Variants in GALR1 observed in about 807,000 individuals in gnomAD.
The protein encoded by GALR1 is galanin receptor 1, also known as galanin receptor type 1.
In GALR1, 11 loss-of-function variants were observed where a neutral mutation model predicts 17.9. The observed-to-expected ratio is 0.62, with a 90% CI of 0.39 to 1.02. The LOEUF (loss-of-function observed/expected upper bound fraction) is 1.02. Ranked by LOEUF, GALR1 falls within the 50% of genes least tolerant of loss-of-function variation. The pLI is 0.01. For synonymous variants in GALR1, 206 were observed against 205.7 expected (o/e 1.00, Z -0.01); for missense variants, 441 against 456.9 (o/e 0.97, Z 0.32).
At chr18:77,262,361 G>T (rs548529853) in intron 2 of GALR1, among the ~76,000 whole-genome samples, 1 of 152,232 alleles carries the variant, frequency 6.6e-6, no homozygotes, top group African/African-American at 2.4e-5. Flanking sequence ...ATCGTTTCCC[G>T]AGTTTGACAG....
intron 2 of GALR1, among the ~76,000 whole-genome samples, chr18:77,261,154 AT>A (rs948666929): frequency 2.0e-5 from 3 of 152,180 alleles, no homozygotes; most frequent in African/African-American, 7.2e-5. Context: ...AGAGACTAAT[AT>A]TTTTTCAGAT....
chr18:77,258,602 C>CATGGTGGTCATGGTGGTGGTGGTG (rs1912658448), intron 2 of GALR1, among the ~76,000 whole-genome samples: 1 of 20,714 alleles, frequency 4.8e-5, no homozygotes, highest in Non-Finnish European at 1.2e-4. Context: ...TGGTGGTGGT[C>CATGGTGGTCATGGTGGTGGTGGTG]ATGGTGGTGA....
chr18:77,258,833 ATGGTGG>A (rs1568141527), intron 2 of GALR1, among the ~76,000 whole-genome samples: 13 of 81,870 alleles, frequency 1.6e-4, no homozygotes, highest in East Asian at 8.8e-4. Flanking sequence ...GGTGCTGGTG[ATGGTGG>A]TGATGGTGGT....
chr18:77,272,751 T>C lies in GALR1; in HGVS notation c.*3849T>C, dbSNP rs1913087835. ...CTTGTTTAATTATTGACTTACTTAT[T>C]TTAAAAGCTGTATGTAGTAAGAACA... On this transcript the variant is annotated 3_prime_UTR_variant, in exon 3 of 3. Transcript: ENST00000299727. 6.6e-6 allele frequency: 1 copy of C among 152,274 alleles called. No homozygotes were observed. 9.4% of individuals were successfully genotyped at this position (152,274 alleles called of 1,614,324 possible). A position where few individuals can be genotyped will look rare whatever the true frequency, so the allele number is the denominator to read the frequency against.
intron 1 of GALR1, among the ~76,000 whole-genome samples, chr18:77,252,965 CCACCATCACCACCATCACCACCAT>C (rs1568139188): frequency 9.1e-4 from 45 of 49,600 alleles, no homozygotes; most frequent in Non-Finnish European, 1.3e-3. Context: ...ACCATCACCA[CCACCATCACCACCATCACCACCAT>C]CACCACCACC....
intron 2 of GALR1, among the ~76,000 whole-genome samples, chr18:77,260,874 T>C (rs1302107784): frequency 6.6e-6 from 1 of 152,202 alleles, no homozygotes; most frequent in Admixed American, 6.5e-5. Flanking sequence ...TGGAGAAAAT[T>C]GGATTAAAGG....
Position 77,250,729 on chromosome 18 carries a change from A to AGCAAGCCGG in GALR1, c.190_198dup (p.Gly64_Pro66dup), listed in dbSNP as rs1912385327. 1 of 1,613,692 alleles carries AGCAAGCCGG rather than the reference A, an allele frequency of 6.2e-7. No individual in the cohort carries two copies. Among genetic ancestry groups the AGCAAGCCGG allele is most frequent in the African/African-American group, 1.3e-5 (1 of 74,938 alleles). On this transcript the variant is annotated inframe_insertion, in exon 1 of 3. Coordinates refer to ENST00000299727, the MANE Select transcript of GALR1 (RefSeq NM_001480.4). ...CCTAGTGATCACCGTGCTGGCGCGC[A>AGCAAGCCGG]GCAAGCCGGGCAAGCCGCGGAGCAC...
rs1913087132 is a variant in GALR1 at position 77,272,711 on chromosome 18, A to G, written c.*3809A>G. 1 of 152,216 alleles carries G rather than the reference A, an allele frequency of 6.6e-6. No homozygotes were observed. The highest frequency in any genetic ancestry group is 1.5e-5 in the Non-Finnish European group (1 of 68,034). The allele number at this position is 152,216 out of a possible 1,614,324, so 9.4% of individuals were successfully genotyped here. A position where few individuals can be genotyped will look rare whatever the true frequency, so the allele number is the denominator to read the frequency against. ...ATGTTGCATGTAAGGCTATTTCTCA[A>G]GTAGATGTTAATGACTTGTTTAATT... is the stretch of plus-strand genomic sequence containing the variant. On this transcript the variant is annotated 3_prime_UTR_variant, in exon 3 of 3. Transcript: ENST00000299727.
chr18:77,268,793 A>C lies in GALR1; in HGVS notation c.941A>C (p.Tyr314Ser). The C allele has an allele frequency of 6.2e-7, 1 of 1,614,026 alleles. No individual in the cohort carries two copies. Among genetic ancestry groups the C allele is most frequent in the South Asian group, 1.1e-5 (1 of 91,088 alleles). The change falls in exon 3 of 3, where the codon TAT becomes TCT. Residue 314 changes from tyrosine to serine, a missense_variant. Coordinates refer to ENST00000299727, the MANE Select transcript of GALR1 (RefSeq NM_001480.4). ...CTCTCTGAAAATTTCAGGAAGGCCT[A>C]TAAACAAGTGTTCAAGTGTCACATT... ...AFLSENFRKA[Y>S]KQVFKCHIRK... is the part of the protein sequence containing the mutation.
At chr18:77,252,971 T>TCACCACCATCACCACCACCACCACCAC (rs1912492295) in intron 1 of GALR1, among the ~76,000 whole-genome samples, 1 of 23,190 alleles carries the variant, frequency 4.3e-5, no homozygotes, top group Non-Finnish European at 8.8e-5. Flanking sequence ...ACCACCACCA[T>TCACCACCATCACCACCACCACCACCAC]CACCACCATC....
intron 2 of GALR1, among the ~76,000 whole-genome samples, chr18:77,263,302 G>A (rs1046664804): frequency 6.6e-6 from 1 of 152,192 alleles, no homozygotes; most frequent in Non-Finnish European, 1.5e-5. Context: ...TTATCTGCTT[G>A]CTTTGTGTGT....
intron 1 of GALR1, among the ~76,000 whole-genome samples, chr18:77,255,602 T>C (rs1288278238): frequency 1.3e-5 from 2 of 152,196 alleles, no homozygotes; most frequent in Admixed American, 1.3e-4. Context: ...AAAGAATATT[T>C]TGGCACAAAC....
At chr18:77,256,076 C>A in intron 1 of GALR1, 82 bp from the exon 2 acceptor site, 1 of 738,626 alleles carries the variant, frequency 1.4e-6, no homozygotes, top group Non-Finnish European at 2.4e-6. Flanking sequence ...ACCATTTCAG[C>A]ATGTCAATAA....
intron 2 of GALR1, among the ~76,000 whole-genome samples, chr18:77,261,466 T>C (rs891002077): frequency 6.6e-6 from 1 of 152,210 alleles, no homozygotes; most frequent in Non-Finnish European, 1.5e-5. Context: ...TTACTTTCTC[T>C]GCGCTGTATC....
At chr18:77,253,320 TGGAAGG>T (rs1912514836) in intron 1 of GALR1, among the ~76,000 whole-genome samples, 1 of 152,184 alleles carries the variant, frequency 6.6e-6, no homozygotes, top group Non-Finnish European at 1.5e-5. Context: ...TGAATGATTC[TGGAAGG>T]ATTTTAACAC....
rs1340746424 is a variant in GALR1 at position 77,258,596 on chromosome 18, G to T, written c.732+2373G>T. ...TGGTGGTGGTCATGGTGGTGATGGT[G>T]GTGGTCATGGTGGTGATGGTGGTGG... On this transcript the variant is annotated intron_variant, in intron 2 of 2. Transcript: ENST00000299727. 1.3e-4 allele frequency among the ~76,000 whole-genome samples: 19 copies of T among 147,854 alleles called. 1 individual carries two copies. Among genetic ancestry groups the T allele is most frequent in the African/African-American group, 4.8e-4 (19 of 39,418 alleles).
chr18:77,252,972 CACCACCAT>C (rs1912493296), intron 1 of GALR1, among the ~76,000 whole-genome samples: 2 of 43,996 alleles, frequency 4.5e-5, no homozygotes, highest in Non-Finnish European at 1.1e-4. Context: ...CCACCACCAT[CACCACCAT>C]CACCACCATC....
intron 1 of GALR1, among the ~76,000 whole-genome samples, chr18:77,252,992 C>CCAT (rs1912497721): frequency 1.3e-4 from 4 of 30,176 alleles, no homozygotes; most frequent in East Asian, 1.0e-3. Flanking sequence ...ACCACCATCA[C>CCAT]CACCACCACC....
rs1423781591 is a variant in GALR1, at chr18:77,259,447, A to ATGATGATGGTGG, written c.732+3225_732+3226insGATGATGGTGGT. ...GATGGTCATGGTGGTGATGATGGTG[A>ATGATGATGGTGG]TCATGGTGGTGATGGTGGTGATGGT... is the stretch of plus-strand genomic sequence containing the variant. On this transcript the variant is annotated intron_variant, in intron 2 of 2. Transcript: ENST00000299727. 2.0e-5 allele frequency among the ~76,000 whole-genome samples: 2 copies of ATGATGATGGTGG among 99,914 alleles called. 1 individual carries two copies. Among genetic ancestry groups the ATGATGATGGTGG allele is most frequent in the Non-Finnish European group, 4.6e-5 (2 of 43,800 alleles). 65.5% of individuals were successfully genotyped at this position (99,914 alleles called of 152,430 possible). A position where few individuals can be genotyped will look rare whatever the true frequency, so the allele number is the denominator to read the frequency against.
Sources: allele counts gnomAD v4.1 joint callset (sites outside exome capture counted in the v4.1 genomes callset), GRCh38; gene constraint gnomAD v4.1.1; transcripts MANE v1.5; gene names NCBI Gene and HGNC (gene_info 2026-07-23, HGNC 2026-07-21).